LANCL3: variants seen among roughly 807,000 people sequenced by gnomAD.
LANCL3 encodes LanC like family member 3.
In LANCL3, 19 loss-of-function variants were observed where a neutral mutation model predicts 26.5. The ratio of observed to expected loss-of-function variants is 0.72; its 90% CI spans 0.50 to 1.05. LANCL3 has a LOEUF of 1.05. Among genes scored for constraint, LANCL3 ranks in the 50% least tolerant of loss-of-function variants. The pLI, the probability that LANCL3 is intolerant of heterozygous loss-of-function variation, is 0.00. For synonymous variants in LANCL3, 160 were observed against 166.6 expected (o/e 0.96, Z 0.30); for missense variants, 318 against 362.7 (o/e 0.88, Z 1.00).
intron 1 of LANCL3, among the ~76,000 whole-genome samples, chrX:37,610,719 A>G (rs1196989471): frequency 2.7e-5 from 3 of 112,305 alleles, no homozygotes; most frequent in African/African-American, 9.7e-5. Flanking sequence ...AGAATTAAAT[A>G]AGAGAAGCAG....
At chrX:37,607,362 T>C (rs1301672628) in intron 1 of LANCL3, among the ~76,000 whole-genome samples, 3 of 112,177 alleles carry the variant, frequency 2.7e-5, no homozygotes, top group Non-Finnish European at 5.6e-5. Context: ...AAGCTACTTG[T>C]GTCAGGATTT....
At chrX:37,663,908 G>C (rs1216470068) in intron 3 of LANCL3, among the ~76,000 whole-genome samples, 2 of 111,728 alleles carry the variant, frequency 1.8e-5, no homozygotes, top group Admixed American at 1.9e-4. Flanking sequence ...CTTACCTGGA[G>C]ACTAGCTTCA....
At chrX:37,605,130 T>C (rs1432495030) in intron 1 of LANCL3, among the ~76,000 whole-genome samples, 1 of 112,007 alleles carries the variant, frequency 8.9e-6, no homozygotes, top group Non-Finnish European at 1.9e-5. Flanking sequence ...CCCAGACAGC[T>C]TTCTTCACAG....
At chrX:37,628,653 T>G (rs1207837323) in intron 1 of LANCL3, among the ~76,000 whole-genome samples, 8 of 91,310 alleles carry the variant, frequency 8.8e-5, no homozygotes, top group African/African-American at 3.3e-4. Flanking sequence ...TGTGTCCATG[T>G]GTTCTCATTG....
At chrX:37,623,476 T>C (rs1925225049) in intron 1 of LANCL3, among the ~76,000 whole-genome samples, 1 of 112,066 alleles carries the variant, frequency 8.9e-6, no homozygotes, top group Non-Finnish European at 1.9e-5. Context: ...TGAAATTCAA[T>C]AGTCCTTGAA....
At chrX:37,618,818 A>T (rs1334395498) in intron 1 of LANCL3, among the ~76,000 whole-genome samples, 3 of 112,166 alleles carry the variant, frequency 2.7e-5, no homozygotes, top group African/African-American at 9.7e-5. Context: ...ATTCACAAGT[A>T]CTAGAGGTTA....
chrX:37,600,306 T>C (rs1429827490), intron 1 of LANCL3, among the ~76,000 whole-genome samples: 2 of 112,283 alleles, frequency 1.8e-5, no homozygotes, highest in Admixed American at 1.9e-4. Flanking sequence ...TGTAGGTAGT[T>C]ATGCATAGGA....
At chrX:37,572,543 A>C in intron 1 of LANCL3, 100 bp downstream of exon 1, 6 of 698,361 alleles carry the variant, frequency 8.6e-6, no homozygotes, top group Non-Finnish European at 1.3e-5. Flanking sequence ...GTTGCTCTCC[A>C]AGTCTTTGTT....
rs1221540836 is a variant in LANCL3 at position 37,680,261 on chromosome X, AT to A, written c.*4453del. On this transcript the variant is annotated 3_prime_UTR_variant, in exon 5 of 5. Transcript: ENST00000378619. ...CTCCATAAATAAACCTGGTAATTTT[AT>A]TTTTAATGTTACAAAAAAAGTTGAT... 4.5e-5 allele frequency: 5 copies of A among 111,701 alleles called. No individual in the cohort carries two copies. Among genetic ancestry groups the A allele is most frequent in the African/African-American group, 1.6e-4 (5 of 30,698 alleles). 9.2% of individuals were successfully genotyped at this position (111,701 alleles called of 1,213,427 possible). A position where few individuals can be genotyped will look rare whatever the true frequency, so the allele number is the denominator to read the frequency against.
chrX:37,614,132 C>G (rs1369498802), intron 1 of LANCL3, among the ~76,000 whole-genome samples: 2 of 111,826 alleles, frequency 1.8e-5, no homozygotes, highest in African/African-American at 6.5e-5. Context: ...CTTTTACTTC[C>G]TCTTTTGTCC....
chrX:37,672,653 G>A (rs1926711880), intron 4 of LANCL3, among the ~76,000 whole-genome samples: 1 of 111,907 alleles, frequency 8.9e-6, no homozygotes, highest in African/African-American at 3.3e-5. Context: ...TACTTTCCAA[G>A]CTCAAAACCA....
chrX:37,575,092 A>T (rs782503204), intron 1 of LANCL3, among the ~76,000 whole-genome samples: 2 of 107,851 alleles, frequency 1.9e-5, no homozygotes, highest in East Asian at 5.8e-4. Flanking sequence ...CACCCAGCTA[A>T]TTTTTTGTAC....
At chrX:37,574,262 G>A (rs1244840802) in intron 1 of LANCL3, among the ~76,000 whole-genome samples, 1 of 110,719 alleles carries the variant, frequency 9.0e-6, no homozygotes, top group Non-Finnish European at 1.9e-5. Context: ...TCCCCTCCCC[G>A]CAAATCCTAG....
In LANCL3 at chrX:37,681,155, A is replaced by T. The variant is rs185682761; in HGVS notation, c.*5342A>T. On this transcript the variant is annotated 3_prime_UTR_variant, in exon 5 of 5. Coordinates refer to ENST00000378619, the MANE Select transcript of LANCL3 (RefSeq NM_001170331.2). Reference sequence around the variant, plus strand: ...TGCAAACCACATATGCAATTTTCAAATTTTCTAGTAGCTACCAAAAAGGTA... The same window carrying T: ...TGCAAACCACATATGCAATTTTCAATTTTTCTAGTAGCTACCAAAAAGGTA... 1 of 112,192 alleles carries T rather than the reference A, an allele frequency of 8.9e-6. No individual in the cohort carries two copies. The highest frequency in any genetic ancestry group is 2.8e-4 in the East Asian group (1 of 3,593). The allele number at this position is 112,192 out of a possible 1,213,427, so 9.2% of individuals were successfully genotyped here.
At chrX:37,616,220 A>C (rs1357401013) in intron 1 of LANCL3, among the ~76,000 whole-genome samples, 1 of 110,085 alleles carries the variant, frequency 9.1e-6, no homozygotes, top group Non-Finnish European at 1.9e-5. Context: ...AATATTTTCC[A>C]ACCAGATAAT....
intron 1 of LANCL3, among the ~76,000 whole-genome samples, chrX:37,581,590 G>A (rs1442955616): frequency 2.7e-5 from 3 of 111,471 alleles, no homozygotes; most frequent in Non-Finnish European, 5.7e-5. Flanking sequence ...CCTGTTTGAC[G>A]TAAAGTAGTG....
intron 1 of LANCL3, among the ~76,000 whole-genome samples, chrX:37,611,911 TTTATTTTATTTTATTTTA>T (rs1556421219): frequency 9.0e-6 from 1 of 111,198 alleles, no homozygotes; most frequent in African/African-American, 3.3e-5. Context: ...TACCTTTTAT[TTTATTTTATTTTATTTTA>T]TTATTTTATT....
At chrX:37,664,664 C>T (rs186794862) in intron 3 of LANCL3, among the ~76,000 whole-genome samples, 4 of 111,505 alleles carry the variant, frequency 3.6e-5, no homozygotes, top group Admixed American at 1.9e-4. Flanking sequence ...TTTTGTCATG[C>T]AGGTAGTGAG....
At chrX:37,618,644 T>C (rs1335205429) in intron 1 of LANCL3, among the ~76,000 whole-genome samples, 1 of 110,650 alleles carries the variant, frequency 9.0e-6, no homozygotes, top group Non-Finnish European at 1.9e-5. Context: ...TCTGCCTTCA[T>C]CTTCATATGA....
Sources: allele counts gnomAD v4.1 joint callset (sites outside exome capture counted in the v4.1 genomes callset), GRCh38; gene constraint gnomAD v4.1.1; transcripts MANE v1.5; gene names NCBI Gene and HGNC (gene_info 2026-07-23, HGNC 2026-07-21).